The following MAP3K5 variants were observed in gnomAD, a reference collection of about 807,000 sequenced individuals.
The protein encoded by MAP3K5 is ASK-1.
A neutral mutation model predicts 158.7 loss-of-function variants in MAP3K5; 56 were observed. The observed-to-expected ratio is 0.35, with a 90% CI of 0.28 to 0.44. MAP3K5 has a LOEUF of 0.44. Ranked by LOEUF, MAP3K5 falls within the 20% of genes least tolerant of loss-of-function variation. MAP3K5 has a pLI of 1.00. For synonymous variants in MAP3K5, 579 were observed against 601.7 expected (o/e 0.96, Z 0.55); for missense variants, 1,294 against 1,674.8 (o/e 0.77, Z 3.97).
chr6:136,580,906 C>T (rs1168315932), intron 24 of MAP3K5, among the ~76,000 whole-genome samples: 3 of 152,066 alleles, frequency 2.0e-5, no homozygotes, highest in Admixed American at 6.5e-5. Flanking sequence ...CCTGTGCCTC[C>T]GGGGCTCAAG....
At chr6:136,570,235 TACCTTTTTATATTTACCCTATTTGATC>T (rs1475165727) in intron 25 of MAP3K5, among the ~76,000 whole-genome samples, 2 of 152,288 alleles carry the variant, frequency 1.3e-5, no homozygotes, top group African/African-American at 4.8e-5. Flanking sequence ...ATCCTCTAGG[TACCTTTTTATATTTACCCTATTTGATC>T]TGTGGACAGT....
chr6:136,637,550 G>A, intron 13 of MAP3K5, 144 bp from the exon 14 acceptor site: 1 of 512,046 alleles, frequency 2.0e-6, no homozygotes, highest in Non-Finnish European at 3.5e-6. Flanking sequence ...AAGATCATGT[G>A]AAAAATACAA....
intron 1 of MAP3K5, among the ~76,000 whole-genome samples, chr6:136,781,396 A>G (rs1784606768): frequency 6.6e-6 from 1 of 152,226 alleles, no homozygotes; most frequent in South Asian, 2.1e-4. Flanking sequence ...TGTGACTACT[A>G]TGACTCTTCC....
chr6:136,665,723 T>G (rs1197372394), intron 8 of MAP3K5, among the ~76,000 whole-genome samples: 1 of 152,226 alleles, frequency 6.6e-6, no homozygotes, highest in Non-Finnish European at 1.5e-5. Context: ...ACTTCTTTCC[T>G]TATAACTTCT....
chr6:136,704,507 T>C (rs931129397), intron 3 of MAP3K5, among the ~76,000 whole-genome samples: 1 of 152,222 alleles, frequency 6.6e-6, no homozygotes, highest in Non-Finnish European at 1.5e-5. Context: ...GTGCCACTCA[T>C]AATTCCACAA....
rs905737664 is a variant in MAP3K5 at position 136,659,083 on chromosome 6, T to A, written c.1526+136A>T. The stretch of plus-strand genomic sequence containing the variant: ...TGATGTGTAACACGTTTTATGAATA[T>A]CACAATTTTCCTCTATATTCTGCAT... On this transcript the variant is annotated intron_variant, in intron 9 of 29. Coordinates refer to ENST00000359015, the MANE Select transcript of MAP3K5 (RefSeq NM_005923.4). 3.1e-5 allele frequency: 25 copies of A among 802,604 alleles called. No homozygotes were observed. In the East Asian group the frequency reaches 6.4e-4, roughly 21 times the overall value. 49.7% of individuals were successfully genotyped at this position (802,604 alleles called of 1,614,324 possible).
intron 19 of MAP3K5, among the ~76,000 whole-genome samples, chr6:136,604,096 C>A (rs905394585): frequency 2.0e-5 from 3 of 152,230 alleles, no homozygotes; most frequent in African/African-American, 4.8e-5. Flanking sequence ...CCAAGGCAGG[C>A]GGAGGGCCTG....
intron 1 of MAP3K5, among the ~76,000 whole-genome samples, chr6:136,730,779 T>G (rs1782192094): frequency 6.8e-6 from 1 of 147,010 alleles, no homozygotes; most frequent in African/African-American, 2.5e-5. Context: ...AAACAGTGAA[T>G]GTAGATGAGG....
At chr6:136,693,988 AAAAAT>A (rs576549669) in intron 7 of MAP3K5, 147 bp downstream of exon 7, 47 of 618,258 alleles carry the variant, frequency 7.6e-5, no homozygotes, top group African/African-American at 1.7e-4. Flanking sequence ...ACTCCATCTC[AAAAAT>A]AAAATAAAAT....
chr6:136,675,122 G>C (rs951367836), intron 7 of MAP3K5, among the ~76,000 whole-genome samples: 11 of 151,862 alleles, frequency 7.2e-5, no homozygotes, highest in Non-Finnish European at 1.2e-4. Context: ...TAATGATAAA[G>C]AGGTAAATTC....
intron 24 of MAP3K5, among the ~76,000 whole-genome samples, chr6:136,582,237 C>T (rs566448408): frequency 1.1e-3 from 168 of 150,226 alleles, no homozygotes; most frequent in Non-Finnish European, 2.1e-3. Flanking sequence ...CAAGAGCAGG[C>T]GTGTATGTGT....
intron 2 of MAP3K5, among the ~76,000 whole-genome samples, chr6:136,705,408 C>T (rs143594112): frequency 0.015 from 2,230 of 152,278 alleles, 21 homozygotes; most frequent in Non-Finnish European, 0.022. Context: ...GATCCTCCCA[C>T]CTCAGCCTCC....
Position 136,557,696 on chromosome 6 carries a change from C to G in MAP3K5, c.*62G>C, listed in dbSNP as rs1830312279. ...TCCTCTCCCTTCGATTTTCCCACCCCCAAGAAGATCAGCTCTGTATTAATT... is the reference window on the plus strand; with the variant it reads ...TCCTCTCCCTTCGATTTTCCCACCCGCAAGAAGATCAGCTCTGTATTAATT... On this transcript the variant is annotated 3_prime_UTR_variant, in exon 30 of 30. Coordinates refer to ENST00000359015, the MANE Select transcript of MAP3K5 (RefSeq NM_005923.4). 8.1e-7 allele frequency: 1 copy of G among 1,228,890 alleles called. No homozygotes were observed. The highest frequency in any genetic ancestry group is 1.7e-5 in the Admixed American group (1 of 59,250). 76.1% of individuals were successfully genotyped at this position (1,228,890 alleles called of 1,614,324 possible). A position where few individuals can be genotyped will look rare whatever the true frequency, so the allele number is the denominator to read the frequency against.
intron 8 of MAP3K5, among the ~76,000 whole-genome samples, chr6:136,668,039 T>C (rs563009652): frequency 2.0e-4 from 30 of 151,976 alleles, no homozygotes; most frequent in African/African-American, 6.8e-4. Context: ...AAATAATGTC[T>C]TTTTTTTAAA....
chr6:136,668,780 A>G (rs538995972), intron 8 of MAP3K5, among the ~76,000 whole-genome samples: 140 of 152,300 alleles, frequency 9.2e-4, no homozygotes, highest in Non-Finnish European at 1.7e-3. Flanking sequence ...TGAGGAGCCT[A>G]CTTCCTACCA....
intron 9 of MAP3K5, 57 bp from the exon 10 acceptor site, chr6:136,656,517 A>G: frequency 1.9e-6 from 2 of 1,064,180 alleles, no homozygotes; most frequent in Non-Finnish European, 2.7e-6. Context: ...ACCTGTTCCC[A>G]TGTATCCCAG....
intron 2 of MAP3K5, among the ~76,000 whole-genome samples, chr6:136,712,195 A>T (rs1781338913): frequency 7.3e-6 from 1 of 137,708 alleles, no homozygotes; most frequent in African/African-American, 2.7e-5. Context: ...TTTTTTTGAG[A>T]CAGGGTCTCA....
chr6:136,786,757 A>T (rs1784862397), intron 1 of MAP3K5, among the ~76,000 whole-genome samples: 1 of 150,890 alleles, frequency 6.6e-6, no homozygotes, highest in African/African-American at 2.4e-5. Flanking sequence ...GTACACAAAG[A>T]TTGGGAAAGT....
chr6:136,753,611 T>C (rs1464084354), intron 1 of MAP3K5, among the ~76,000 whole-genome samples: 7 of 152,216 alleles, frequency 4.6e-5, no homozygotes, highest in Admixed American at 4.6e-4. Flanking sequence ...GAAAATTAAT[T>C]ATTCTTGGGT....
Sources: allele counts gnomAD v4.1 joint callset (sites outside exome capture counted in the v4.1 genomes callset), GRCh38; gene constraint gnomAD v4.1.1; transcripts MANE v1.5; gene names NCBI Gene and HGNC (gene_info 2026-07-23, HGNC 2026-07-21).